DST: variants seen among roughly 807,000 people sequenced by gnomAD.
DST encodes dystonin.
In DST, 253 loss-of-function variants were observed where a neutral mutation model predicts 875.2. That is an observed-to-expected ratio of 0.29 (90% CI 0.26 to 0.32). The LOEUF (loss-of-function observed/expected upper bound fraction) is 0.32, where lower values mean the gene tolerates loss of function less well. DST is among the 10% of genes least tolerant of loss of function. The pLI is 1.00. For synonymous variants in DST, 3,124 were observed against 3,197.1 expected (o/e 0.98, Z 0.77); for missense variants, 8,287 against 9,111.6 (o/e 0.91, Z 3.68).
At position 56,781,181 on chromosome 6, in the gene DST, C is replaced by T. The variant is rs150902816; in HGVS notation, c.626-45892G>A. 8.5e-3 allele frequency among the ~76,000 whole-genome samples: 1,297 copies of T among 152,160 alleles called. 24 individuals carry two copies. Among genetic ancestry groups the T allele is most frequent in the African/African-American group, 0.03 (1,244 of 41,502 alleles). On this transcript the variant is annotated intron_variant, in intron 4 of 103. Transcript: ENST00000680361. ...CGTGATGCCTCCAGCTTTGTTCTTT[C>T]GGCTTAGGATTGACTTGGTGATGCG...
At chr6:56,778,669 T>C (rs556245919) in intron 4 of DST, among the ~76,000 whole-genome samples, 58 of 151,748 alleles carry the variant, frequency 3.8e-4, no homozygotes, top group Non-Finnish European at 7.5e-4. Context: ...TTACTGAGAA[T>C]GATGGTTTCC....
At chr6:56,813,037 T>C (rs1590987672) in intron 4 of DST, among the ~76,000 whole-genome samples, 3 of 151,902 alleles carry the variant, frequency 2.0e-5, no homozygotes, top group South Asian at 4.2e-4. Context: ...ACATACACCA[T>C]GGAATACTAT....
intron 83 of DST, among the ~76,000 whole-genome samples, chr6:56,493,673 CAT>C (rs965792032): frequency 1.3e-5 from 2 of 151,940 alleles, no homozygotes; most frequent in African/African-American, 2.4e-5. Context: ...CTCCCTCACC[CAT>C]ATATATAGTC....
chr6:56,615,516 A>G (rs868723398), intron 36 of DST: 4 of 1,614,030 alleles, frequency 2.5e-6, no homozygotes, highest in African/African-American at 2.7e-5. Flanking sequence ...AACATGTCCC[A>G]TTAGGAAGAA....
At chr6:56,872,012 T>C (rs1402812661) in intron 3 of DST, among the ~76,000 whole-genome samples, 1 of 152,226 alleles carries the variant, frequency 6.6e-6, no homozygotes, top group African/African-American at 2.4e-5. Context: ...CATTATCTCC[T>C]GAAGTTGAAC....
intron 37 of DST, among the ~76,000 whole-genome samples, chr6:56,613,200 T>A (rs1049175655): frequency 1.3e-5 from 2 of 152,170 alleles, no homozygotes; most frequent in African/African-American, 4.8e-5. Flanking sequence ...TTACATGAAA[T>A]ATATATATTA....
rs372095738 is a variant in DST, at chr6:56,618,092, T to C, written c.4930-3608A>G. 12 of 1,614,176 alleles carry C rather than the reference T, an allele frequency of 7.4e-6. No individual in the cohort carries two copies. The highest frequency in any genetic ancestry group is 1.6e-4 in the Middle Eastern group (1 of 6,062). ...GGCTTGGTCTCTTATCTTCTCAATT[T>C]CAGACAGTCTTGTAATGGGGTTTGT... On this transcript the variant is annotated intron_variant, in intron 36 of 103. Coordinates refer to ENST00000680361, the MANE Select transcript of DST (RefSeq NM_001374736.1).
chr6:56,768,902 C>G (rs1367670867), intron 4 of DST, among the ~76,000 whole-genome samples: 3 of 152,130 alleles, frequency 2.0e-5, no homozygotes, highest in Non-Finnish European at 1.5e-5. Context: ...AACCCCATCT[C>G]TACTAAAAAT....
intron 14 of DST, 36 bp downstream of exon 14, chr6:56,646,051 A>C (rs1563431557): frequency 1.9e-6 from 3 of 1,577,122 alleles, no homozygotes; most frequent in Non-Finnish European, 2.6e-6. Context: ...CAAAACAAAG[A>C]CTATGCTTGA....
intron 4 of DST, among the ~76,000 whole-genome samples, chr6:56,788,874 G>A (rs1215584932): frequency 6.6e-6 from 1 of 152,134 alleles, no homozygotes; most frequent in Non-Finnish European, 1.5e-5. Flanking sequence ...TATTAAACTT[G>A]TTAAACTTTT....
chr6:56,945,639 G>C (rs760297592), intron 2 of DST: 1 of 151,998 alleles, frequency 6.6e-6, no homozygotes, highest in Non-Finnish European at 1.5e-5. Flanking sequence ...CATGATATGG[G>C]GATAAACTAA....
intron 5 of DST, among the ~76,000 whole-genome samples, chr6:56,719,794 C>T (rs894828881): frequency 4.6e-5 from 7 of 152,132 alleles, no homozygotes; most frequent in African/African-American, 1.7e-4. Context: ...CCATGATGCC[C>T]CACAAGCCAC....
intron 24 of DST, 90 bp downstream of exon 24, chr6:56,635,499 G>C: frequency 1.5e-6 from 2 of 1,299,170 alleles, no homozygotes; most frequent in South Asian, 1.3e-5. Flanking sequence ...AATATCAAGA[G>C]TGCCAATAAA....
chr6:56,675,576 G>A (rs952979980), intron 9 of DST, among the ~76,000 whole-genome samples: 23 of 152,154 alleles, frequency 1.5e-4, no homozygotes, highest in Non-Finnish European at 2.6e-4. Flanking sequence ...AAACTTGGCC[G>A]GATGTGGTGG....
At chr6:56,637,035 A>G (rs1587423846) in intron 22 of DST, among the ~76,000 whole-genome samples, 1 of 152,158 alleles carries the variant, frequency 6.6e-6, no homozygotes, top group African/African-American at 2.4e-5. Flanking sequence ...GTGAGCCAAA[A>G]TTGCGCCATC....
At chr6:56,561,265 C>T in intron 57 of DST, 43 bp downstream of exon 57, 1 of 1,553,576 alleles carries the variant, frequency 6.4e-7, no homozygotes, top group Non-Finnish European at 8.7e-7. Flanking sequence ...ACTGCTAATC[C>T]ATTCTCTTTC....
chr6:56,873,976 G>C (rs1301126732), intron 3 of DST, among the ~76,000 whole-genome samples: 1 of 152,112 alleles, frequency 6.6e-6, no homozygotes, highest in Non-Finnish European at 1.5e-5. Context: ...AGCTTCAGTG[G>C]TGCATAACTA....
At chr6:56,484,700 G>A (rs1439286076) in intron 88 of DST, 4 of 152,268 alleles carry the variant, frequency 2.6e-5, no homozygotes, top group Non-Finnish European at 5.9e-5. Flanking sequence ...TGGACACCTT[G>A]AATATTACCT....
intron 4 of DST, among the ~76,000 whole-genome samples, chr6:56,795,898 A>T (rs1041773425): frequency 5.3e-5 from 8 of 152,184 alleles, no homozygotes; most frequent in African/African-American, 1.9e-4. Flanking sequence ...ACCAATAAAA[A>T]ATTTTTCCAG....
Sources: allele counts gnomAD v4.1 joint callset (sites outside exome capture counted in the v4.1 genomes callset), GRCh38; gene constraint gnomAD v4.1.1; transcripts MANE v1.5; gene names NCBI Gene and HGNC (gene_info 2026-07-23, HGNC 2026-07-21).